The following SUMF1 variants were observed in gnomAD, a reference collection of about 807,000 sequenced individuals.
SUMF1 encodes the protein sulfatase modifying factor 1.
In SUMF1, 48 loss-of-function variants were observed where a neutral mutation model predicts 47.6. The observed-to-expected ratio is 1.01, with a 90% confidence interval of 0.80 to 1.28. SUMF1 has a LOEUF of 1.28. Ranked by LOEUF, SUMF1 falls within the 50% of genes most tolerant of loss-of-function variation. The pLI, the probability that SUMF1 is intolerant of heterozygous loss-of-function variation, is 0.00. For missense variants in SUMF1, 571 were observed against 485.4 expected (o/e 1.18, Z -1.66); for synonymous variants, 230 against 192.1 (o/e 1.20, Z -1.63).
chr3:4,369,082 C>T (rs1472028828), intron 8 of SUMF1, among the ~76,000 whole-genome samples: 1 of 150,732 alleles, frequency 6.6e-6, no homozygotes, highest in Non-Finnish European at 1.5e-5. Flanking sequence ...TCTTTTCTCT[C>T]AGAAAAGTAA....
chr3:4,064,202 G>A (rs1424666440), intron 9 of SUMF1, among the ~76,000 whole-genome samples: 1 of 143,456 alleles, frequency 7.0e-6, no homozygotes, highest in Non-Finnish European at 1.6e-5. Flanking sequence ...AGACCTTGCT[G>A]ATAAAAGAAG....
At position 4,376,480 on chromosome 3, in the gene SUMF1, T is replaced by C. The variant is rs1700334085; in HGVS notation, c.955-91A>G. 9 of 1,345,438 alleles carry C rather than the reference T, an allele frequency of 6.7e-6. No homozygotes were observed. The South Asian group carries it at 8.2e-5, about 12-fold the overall frequency. 83.3% of individuals were successfully genotyped at this position (1,345,438 alleles called of 1,614,324 possible). ...GAATCCACTTTGATCCAACCAGCTC[T>C]CTCATGGTTGCCTAAACTCTCCACA... On this transcript the variant is annotated intron_variant, in intron 7 of 8. Transcript: ENST00000272902.
At chr3:4,363,117 A>G (rs963957186) in intron 8 of SUMF1, among the ~76,000 whole-genome samples, 1 of 152,200 alleles carries the variant, frequency 6.6e-6, no homozygotes, top group Admixed American at 6.5e-5. Context: ...TTCCAATACA[A>G]TAAGAATATA....
chr3:4,424,537 G>A (rs1702005876), intron 3 of SUMF1, among the ~76,000 whole-genome samples: 1 of 152,108 alleles, frequency 6.6e-6, no homozygotes, highest in South Asian at 2.1e-4. Flanking sequence ...AGTAAGACCT[G>A]AAGCAAGTAT....
chr3:4,252,870 A>T (rs372101927), intron 8 of SUMF1, among the ~76,000 whole-genome samples: 1 of 152,196 alleles, frequency 6.6e-6, no homozygotes, highest in Non-Finnish European at 1.5e-5. Flanking sequence ...ATATTTAAAC[A>T]CAAAAATGCA....
intron 3 of SUMF1, among the ~76,000 whole-genome samples, chr3:4,432,985 T>A (rs1702284053): frequency 6.6e-6 from 1 of 152,232 alleles, no homozygotes; most frequent in South Asian, 2.1e-4. Flanking sequence ...TTCAGTGGGA[T>A]ATCCTTTTGT....
At chr3:4,049,497 T>C (rs1055052555) in intron 9 of SUMF1, among the ~76,000 whole-genome samples, 1 of 152,138 alleles carries the variant, frequency 6.6e-6, no homozygotes, top group Non-Finnish European at 1.5e-5. Context: ...CTGACACCCC[T>C]TGCTGAACGT....
At chr3:4,428,779 A>C (rs936312654) in intron 3 of SUMF1, among the ~76,000 whole-genome samples, 4 of 152,242 alleles carry the variant, frequency 2.6e-5, no homozygotes, top group Non-Finnish European at 5.9e-5. Flanking sequence ...AACAAAAGCA[A>C]TATCAAATTA....
intron 8 of SUMF1, among the ~76,000 whole-genome samples, chr3:4,209,342 C>T (rs770932816): frequency 2.0e-5 from 3 of 152,154 alleles, no homozygotes; most frequent in African/African-American, 7.2e-5. Context: ...GAACAAAACA[C>T]TAACTGAAAC....
intron 8 of SUMF1, among the ~76,000 whole-genome samples, chr3:4,210,565 T>A (rs1695757549): frequency 6.6e-6 from 1 of 152,120 alleles, no homozygotes; most frequent in African/African-American, 2.4e-5. Flanking sequence ...ATTGGAAAAC[T>A]ATATGGAGAA....
chr3:4,415,081 G>C (rs1442373912), intron 6 of SUMF1: 1 of 152,100 alleles, frequency 6.6e-6, no homozygotes, highest in African/African-American at 2.4e-5. Flanking sequence ...ACAAAAGTTA[G>C]TCAGATATTG....
chr3:4,397,236 T>A (rs56790161), intron 7 of SUMF1, among the ~76,000 whole-genome samples: 1 of 152,326 alleles, frequency 6.6e-6, no homozygotes, highest in South Asian at 2.1e-4. Flanking sequence ...TACAGCAGCA[T>A]CATCCTAAAT....
At chr3:4,124,232 A>G (rs1693606823) in intron 8 of SUMF1, among the ~76,000 whole-genome samples, 1 of 152,188 alleles carries the variant, frequency 6.6e-6, no homozygotes, top group Non-Finnish European at 1.5e-5. Flanking sequence ...AAATGGCATC[A>G]AGACAGTACA....
chr3:4,167,142 G>A (rs186270436), intron 8 of SUMF1, among the ~76,000 whole-genome samples: 10 of 151,946 alleles, frequency 6.6e-5, no homozygotes, highest in East Asian at 5.8e-4. Context: ...ATGAAGCCAC[G>A]GGCCTCTGTG....
At chr3:4,260,159 G>A (rs1559625234) in intron 8 of SUMF1, among the ~76,000 whole-genome samples, 1 of 152,016 alleles carries the variant, frequency 6.6e-6, no homozygotes. Context: ...TTTATGCCAG[G>A]GCTGAAGTCA....
chr3:4,443,587 G>C (rs1702680092), intron 3 of SUMF1, among the ~76,000 whole-genome samples: 1 of 151,920 alleles, frequency 6.6e-6, no homozygotes, highest in South Asian at 2.1e-4. Flanking sequence ...AAAATAGTGA[G>C]ACATCATCTC....
chr3:4,241,573 A>G (rs1220960327), intron 8 of SUMF1, among the ~76,000 whole-genome samples: 2 of 152,188 alleles, frequency 1.3e-5, no homozygotes, highest in South Asian at 4.1e-4. Context: ...ATGAGAGCTA[A>G]GAAGTGCTAA....
At chr3:4,170,443 A>G (rs532366962) in intron 8 of SUMF1, among the ~76,000 whole-genome samples, 1 of 152,206 alleles carries the variant, frequency 6.6e-6, no homozygotes, top group South Asian at 2.1e-4. Flanking sequence ...TGCCGCTTTA[A>G]GTTTATGCTG....
intron 8 of SUMF1, among the ~76,000 whole-genome samples, chr3:4,257,698 A>G (rs1575027759): frequency 1.3e-5 from 2 of 151,360 alleles, no homozygotes; most frequent in East Asian, 3.9e-4. Context: ...AAGGTAATTT[A>G]CAGATTCAAT....
Sources: allele counts gnomAD v4.1 joint callset (sites outside exome capture counted in the v4.1 genomes callset), GRCh38; gene constraint gnomAD v4.1.1; transcripts MANE v1.5; gene names NCBI Gene and HGNC (gene_info 2026-07-23, HGNC 2026-07-21).